The following LGR4 variants were observed in gnomAD, a reference collection of about 807,000 sequenced individuals.
LGR4 encodes leucine-rich repeat-containing G protein-coupled receptor 4.
A neutral mutation model predicts 84.8 loss-of-function variants in LGR4; 44 were observed. The observed-to-expected ratio is 0.52, with a 90% CI of 0.41 to 0.67. The LOEUF (loss-of-function observed/expected upper bound fraction) is 0.67. Ranked by LOEUF, LGR4 falls within the 30% of genes least tolerant of loss-of-function variation. The probability of loss-of-function intolerance (pLI) is 0.00; values close to 1 mark genes in which losing one functional copy is unlikely to be tolerated. For missense variants in LGR4, 1,032 were observed against 1,131.4 expected (o/e 0.91, Z 1.26); for synonymous variants, 429 against 434.3 (o/e 0.99, Z 0.15).
chr11:27,380,544 A>C (rs1863072685), intron 9 of LGR4, 96 bp downstream of exon 9: 2 of 948,212 alleles, frequency 2.1e-6, no homozygotes, highest in East Asian at 5.0e-5. Flanking sequence ...AAAAATTTTA[A>C]AGATTTTGTT....
At chr11:27,467,502 G>A (rs923071251) in intron 1 of LGR4, among the ~76,000 whole-genome samples, 14 of 151,520 alleles carry the variant, frequency 9.2e-5, no homozygotes, top group African/African-American at 3.2e-4. Context: ...GGGAGGTGGA[G>A]GTTGCAGTGA....
chr11:27,435,087 G>A (rs1368670044), intron 1 of LGR4, among the ~76,000 whole-genome samples: 2 of 152,080 alleles, frequency 1.3e-5, no homozygotes, highest in Non-Finnish European at 2.9e-5. Context: ...TGTAATCCTA[G>A]CACTTTGGGA....
intron 2 of LGR4, among the ~76,000 whole-genome samples, chr11:27,403,165 CTAGATAGGA>C (rs1863536425): frequency 6.6e-6 from 1 of 152,166 alleles, no homozygotes; most frequent in Non-Finnish European, 1.5e-5. Context: ...TAAACAAAGA[CTAGATAGGA>C]TAAGAATGTT....
chr11:27,384,626 T>A (rs1221040157), intron 5 of LGR4, among the ~76,000 whole-genome samples: 1 of 152,152 alleles, frequency 6.6e-6, no homozygotes, highest in Non-Finnish European at 1.5e-5. Flanking sequence ...ATAGACTACC[T>A]CATGGAAAGA....
In LGR4 at chr11:27,367,892, T is replaced by A; in HGVS notation, c.2831A>T (p.Tyr944Phe). 1 of 1,596,418 alleles carries A rather than the reference T, an allele frequency of 6.3e-7. No individual in the cohort carries two copies. Among genetic ancestry groups the A allele is most frequent in the Non-Finnish European group, 8.5e-7 (1 of 1,175,310 alleles). The change falls in exon 18 of 18, where the codon TAC becomes TTC. Residue 944 changes from tyrosine (Y) to phenylalanine (F), a missense_variant. Tyr to Phe is a conservative substitution (Grantham distance 22). Transcript: ENST00000379214. ...TCAGTCTTTAACTCTTGGTAGATTG[T>A]AAGCATAGCGCACCAAAGGGAATCC... ...SRGFPLVRYA[Y>F]NLPRVKD
intron 1 of LGR4, among the ~76,000 whole-genome samples, chr11:27,444,028 C>T (rs1305644310): frequency 6.6e-6 from 1 of 152,030 alleles, no homozygotes; most frequent in African/African-American, 2.4e-5. Flanking sequence ...TAATTAAGAC[C>T]TGCACAAAGC....
chr11:27,428,861 T>A (rs1864069211), intron 1 of LGR4, among the ~76,000 whole-genome samples: 1 of 152,154 alleles, frequency 6.6e-6, no homozygotes, highest in South Asian at 2.1e-4. Flanking sequence ...ACTACAGGCA[T>A]GTACCACTGT....
At chr11:27,398,897 TTCTCTC>T (rs374844521) in intron 2 of LGR4, among the ~76,000 whole-genome samples, 2 of 151,842 alleles carry the variant, frequency 1.3e-5, no homozygotes, top group South Asian at 2.1e-4. Context: ...CTCTTCCTCT[TTCTCTC>T]TCTCTCTCTT....
intron 1 of LGR4, among the ~76,000 whole-genome samples, chr11:27,422,862 C>A (rs1198565517): frequency 6.6e-6 from 1 of 152,074 alleles, no homozygotes; most frequent in Admixed American, 6.5e-5. Context: ...CACTGAGATC[C>A]CATGGGGTAT....
At chr11:27,390,928 C>A (rs1226729135) in intron 4 of LGR4, among the ~76,000 whole-genome samples, 166 bp downstream of exon 4, 1 of 152,158 alleles carries the variant, frequency 6.6e-6, no homozygotes, top group Non-Finnish European at 1.5e-5. Context: ...AACAGAACCA[C>A]CTCCTTCTCC....
intron 1 of LGR4, among the ~76,000 whole-genome samples, chr11:27,422,389 TA>T (rs994651187): frequency 6.6e-6 from 1 of 152,232 alleles, no homozygotes; most frequent in Non-Finnish European, 1.5e-5. Flanking sequence ...GCGTATTTTT[TA>T]AACTTCAGCT....
At position 27,453,743 on chromosome 11, in the gene LGR4, CAGTA is replaced by C. The variant is rs1196014387; in HGVS notation, c.185+18371_185+18374del. Among the ~76,000 whole-genome samples, 3 of 152,290 alleles carry C rather than the reference CAGTA, an allele frequency of 2.0e-5. No individual in the cohort carries two copies. The East Asian group carries it at 5.8e-4, about 29-fold the overall frequency. The stretch of plus-strand genomic sequence containing the variant: ...TTTTTAAAGTTCTGACTTATTATCT[CAGTA>C]AGTAATTATTATTTTAAAGTTGAAA... On this transcript the variant is annotated intron_variant, in intron 1 of 17. Coordinates refer to ENST00000379214, the MANE Select transcript of LGR4 (RefSeq NM_018490.5).
At chr11:27,419,978 T>C (rs954228327) in intron 1 of LGR4, among the ~76,000 whole-genome samples, 1 of 152,152 alleles carries the variant, frequency 6.6e-6, no homozygotes, top group African/African-American at 2.4e-5. Flanking sequence ...TATGTGGTGA[T>C]AGAAATGATC....
chr11:27,467,613 C>T (rs1864803356), intron 1 of LGR4, among the ~76,000 whole-genome samples: 1 of 148,352 alleles, frequency 6.7e-6, no homozygotes, highest in Non-Finnish European at 1.5e-5. Flanking sequence ...CAATAAAAAA[C>T]ACTTTTGGCA....
At chr11:27,373,800 T>C (rs1376909695) in intron 14 of LGR4, 124 bp from the exon 15 acceptor site, 2 of 1,062,410 alleles carry the variant, frequency 1.9e-6, no homozygotes, top group African/African-American at 3.2e-5. Flanking sequence ...GTGCTAAAAT[T>C]ATAGTTCTAG....
At chr11:27,419,107 C>T (rs1863876542) in intron 1 of LGR4, among the ~76,000 whole-genome samples, 1 of 152,056 alleles carries the variant, frequency 6.6e-6, no homozygotes, top group Non-Finnish European at 1.5e-5. Flanking sequence ...ACTTTCAAAG[C>T]TGTGCTGTCA....
Position 27,385,437 on chromosome 11 carries a change from G to T in LGR4, c.433C>A (p.Pro145Thr). 1 of 1,608,764 alleles carries T rather than the reference G, an allele frequency of 6.2e-7. No individual in the cohort carries two copies. The highest frequency in any genetic ancestry group is 1.1e-5 in the South Asian group (1 of 89,586). ...RLDANHITSV[P>T]EDSFEGLVQL... The stretch of plus-strand genomic sequence containing the variant: ...ACAAGTCCTTCAAAACTGTCCTCGG[G>T]GACTGAGGTAATATGGTTGGCATCT... The change falls in exon 5 of 18, where the codon CCC becomes ACC. Residue 145 changes from proline to threonine, a missense_variant. Coordinates refer to ENST00000379214, the MANE Select transcript of LGR4 (RefSeq NM_018490.5).
chr11:27,455,255 T>C (rs1224490666), intron 1 of LGR4, among the ~76,000 whole-genome samples: 1 of 152,158 alleles, frequency 6.6e-6, no homozygotes, highest in African/African-American at 2.4e-5. Context: ...CCTGGAGCAC[T>C]ATAAATGATT....
chr11:27,437,796 G>T (rs1864237472), intron 1 of LGR4, among the ~76,000 whole-genome samples: 1 of 151,506 alleles, frequency 6.6e-6, no homozygotes, highest in Non-Finnish European at 1.5e-5. Flanking sequence ...GAGCCCAGGA[G>T]TCTGAGATCA....
Sources: allele counts gnomAD v4.1 joint callset (sites outside exome capture counted in the v4.1 genomes callset), GRCh38; gene constraint gnomAD v4.1.1; transcripts MANE v1.5; gene names NCBI Gene and HGNC (gene_info 2026-07-23, HGNC 2026-07-21).